Variants in KDM7A observed in about 807,000 individuals in gnomAD.
The protein encoded by KDM7A is lysine demethylase 7A, also known as lysine-specific demethylase 7A.
In KDM7A, 28 loss-of-function variants were observed where a neutral mutation model predicts 114.8. The observed-to-expected ratio is 0.24, with a 90% confidence interval of 0.18 to 0.33. The LOEUF (loss-of-function observed/expected upper bound fraction) is 0.33. Among genes scored for constraint, KDM7A ranks in the 10% least tolerant of loss-of-function variants. The pLI is 1.00. For missense variants in KDM7A, 942 were observed against 1,142.5 expected (o/e 0.82, Z 2.53); for synonymous variants, 423 against 397.8 (o/e 1.06, Z -0.75).
chr7:140,116,612 G>T (rs1017525241), intron 9 of KDM7A, among the ~76,000 whole-genome samples: 1 of 151,942 alleles, frequency 6.6e-6, no homozygotes, highest in African/African-American at 2.4e-5. Context: ...ACCTGAGTAA[G>T]AACAGCCTTA....
intron 1 of KDM7A, among the ~76,000 whole-genome samples, chr7:140,153,339 A>T (rs994377800): frequency 1.3e-5 from 2 of 151,824 alleles, no homozygotes; most frequent in African/African-American, 4.8e-5. Context: ...ACAAAAAACT[A>T]GCTGGGCGTG....
At chr7:140,172,986 G>A (rs567428616) in intron 1 of KDM7A, among the ~76,000 whole-genome samples, 3 of 152,082 alleles carry the variant, frequency 2.0e-5, no homozygotes, top group South Asian at 4.2e-4. Context: ...TAAAAAATGC[G>A]ATTAAAGACT....
rs775006338 is a variant in KDM7A at position 140,129,658 on chromosome 7, G to C, written c.399-5C>G. On this transcript the variant is annotated splice_polypyrimidine_tract_variant and splice_region_variant and intron_variant, in intron 3 of 19. Coordinates refer to ENST00000397560, the MANE Select transcript of KDM7A (RefSeq NM_030647.2). Reference sequence around the variant, plus strand: ...TTTATAATTATTTCATCGGCACTAAGGAAAAACATAAGAATAAAAATGTCA... The same window carrying C: ...TTTATAATTATTTCATCGGCACTAACGAAAAACATAAGAATAAAAATGTCA... 1 of 1,586,422 alleles carries C rather than the reference G, an allele frequency of 6.3e-7. No individual in the cohort carries two copies. The highest frequency in any genetic ancestry group is 1.4e-5 in the African/African-American group (1 of 73,862).
Position 140,091,200 on chromosome 7 carries a change from C to T in KDM7A, c.2732-12G>A. On this transcript the variant is annotated splice_polypyrimidine_tract_variant and intron_variant, in intron 19 of 19. Coordinates refer to ENST00000397560, the MANE Select transcript of KDM7A (RefSeq NM_030647.2). ...TTTTGGACGTTTACCTATAAAACAC[C>T]AAAAGGGAGTGTAAGTAATGATGAA... 1.9e-6 allele frequency: 3 copies of T among 1,565,214 alleles called. No homozygotes were observed. The highest frequency in any genetic ancestry group is 2.6e-6 in the Non-Finnish European group (3 of 1,135,390).
rs555143439 is a variant in KDM7A at position 140,130,831 on chromosome 7, A to G, written c.399-1178T>C. On this transcript the variant is annotated intron_variant, in intron 3 of 19. Transcript: ENST00000397560. ...CAACTACTGATTTAAATGACCCGTTACAACCAGTATTTAATAAGTCTTTTT... is the reference window on the plus strand; with the variant it reads ...CAACTACTGATTTAAATGACCCGTTGCAACCAGTATTTAATAAGTCTTTTT... Among the ~76,000 whole-genome samples the G allele has an allele frequency of 4.0e-3, 603 of 150,246 alleles. 8 individuals are homozygous for G. Among genetic ancestry groups the G allele is most frequent in the African/African-American group, 0.014 (552 of 40,766 alleles).
rs539115045 is a variant in KDM7A, at chr7:140,158,713, C to T, written c.194+18031G>A. Among the ~76,000 whole-genome samples, 97 of 152,122 alleles carry T rather than the reference C, an allele frequency of 6.4e-4. 1 individual carries two copies. The highest frequency in any genetic ancestry group is 2.2e-3 in the African/African-American group (93 of 41,484). ...ACCCAGCCATAAAAGATCAGGGAGA[C>T]GAGAAGCAATTGCAGTTAAGAACTG... On this transcript the variant is annotated intron_variant, in intron 1 of 19. Coordinates refer to ENST00000397560, the MANE Select transcript of KDM7A (RefSeq NM_030647.2).
At chr7:140,164,598 GA>G (rs1312131064) in intron 1 of KDM7A, among the ~76,000 whole-genome samples, 1 of 152,018 alleles carries the variant, frequency 6.6e-6, no homozygotes, top group African/African-American at 2.4e-5. Context: ...AACAAATAGT[GA>G]AAAAAATTAT....
intron 11 of KDM7A, among the ~76,000 whole-genome samples, chr7:140,108,401 C>G (rs561874227): frequency 1.3e-5 from 2 of 152,170 alleles, no homozygotes; most frequent in East Asian, 3.9e-4. Flanking sequence ...GTTTTTTTCC[C>G]CATCTTTGTG....
chr7:140,160,592 T>C (rs534762215), intron 1 of KDM7A, among the ~76,000 whole-genome samples: 3 of 152,314 alleles, frequency 2.0e-5, no homozygotes, highest in South Asian at 2.1e-4. Flanking sequence ...GTAAATCAAG[T>C]AGCAGTTCCC....
chr7:140,174,710 C>A lies in KDM7A; in HGVS notation c.194+2034G>T, dbSNP rs199876162. On this transcript the variant is annotated intron_variant, in intron 1 of 19. Transcript: ENST00000397560. ...CCGCTTCCCGGGTTCAAAAGATTCT[C>A]CTGCCTCAGCCTCCCAAGTAGCTAG... is the stretch of plus-strand genomic sequence containing the variant. Among the ~76,000 whole-genome samples the A allele has an allele frequency of 2.4e-3, 362 of 152,244 alleles. 3 individuals are homozygous for A. Among genetic ancestry groups the A allele is most frequent in the Admixed American group, 0.015 (233 of 15,294 alleles).
chr7:140,114,851 CCGG>C (rs1180380017), intron 9 of KDM7A, among the ~76,000 whole-genome samples: 2 of 149,796 alleles, frequency 1.3e-5, no homozygotes, highest in African/African-American at 2.5e-5. Flanking sequence ...GCCCCTCCGC[CCGG>C]CAGCCGCCCC....
chr7:140,114,457 C>A (rs990218487), intron 9 of KDM7A, among the ~76,000 whole-genome samples: 1 of 151,100 alleles, frequency 6.6e-6, no homozygotes, highest in East Asian at 1.9e-4. Context: ...GACGGAGTCT[C>A]GTTCACTCAG....
intron 11 of KDM7A, among the ~76,000 whole-genome samples, chr7:140,106,744 TGAG>T (rs1818343449): frequency 6.6e-6 from 1 of 152,264 alleles, no homozygotes; most frequent in Non-Finnish European, 1.5e-5. Flanking sequence ...GACGTAGTGC[TGAG>T]AAGAATGTAC....
intron 7 of KDM7A, among the ~76,000 whole-genome samples, chr7:140,122,620 G>A (rs1349752302): frequency 6.6e-6 from 1 of 152,168 alleles, no homozygotes; most frequent in East Asian, 1.9e-4. Flanking sequence ...CAGTCATTAG[G>A]GTCACCAAAA....
At position 140,090,980 on chromosome 7, in the gene KDM7A, C is replaced by T. The variant is rs1275802401; in HGVS notation, c.*114G>A. The T allele has an allele frequency of 5.6e-6, 4 of 720,606 alleles. No homozygotes were observed. In the African/African-American group the frequency reaches 7.1e-5, roughly 13 times the overall value. 44.6% of individuals were successfully genotyped at this position (720,606 alleles called of 1,614,324 possible). On this transcript the variant is annotated 3_prime_UTR_variant, in exon 20 of 20. Transcript: ENST00000397560. ...CATCAGGTTCATTCTGTTCTTCGGG[C>T]AGTGTTCTTACTATACACACAAACT...
intron 1 of KDM7A, among the ~76,000 whole-genome samples, chr7:140,160,666 A>C (rs1246214533): frequency 6.6e-6 from 1 of 152,164 alleles, no homozygotes; most frequent in African/African-American, 2.4e-5. Context: ...CCTGAGGGAG[A>C]GTGGTGTAAG....
intron 1 of KDM7A, among the ~76,000 whole-genome samples, chr7:140,149,670 G>A (rs1794377540): frequency 1.3e-5 from 2 of 152,160 alleles, no homozygotes; most frequent in Admixed American, 1.3e-4. Flanking sequence ...CAGTATATCT[G>A]CTATTTTTGT....
At chr7:140,119,703 G>A (rs1384696643) in intron 8 of KDM7A, among the ~76,000 whole-genome samples, 1 of 152,180 alleles carries the variant, frequency 6.6e-6, no homozygotes, top group Non-Finnish European at 1.5e-5. Context: ...TCCACACTTG[G>A]TAGGTGTGGG....
At chr7:140,115,894 TAA>T (rs35004743) in intron 9 of KDM7A, among the ~76,000 whole-genome samples, 244 of 140,598 alleles carry the variant, frequency 1.7e-3, no homozygotes, top group South Asian at 5.6e-3. Context: ...ATTTTTATCA[TAA>T]AAAAAAAAGG....
Sources: gnomAD v4.1 joint callset for allele counts (sites outside exome capture counted in the v4.1 genomes callset) on GRCh38, gnomAD v4.1.1 for gene constraint, MANE v1.5 for transcripts, NCBI Gene and HGNC (gene_info 2026-07-23, HGNC 2026-07-21) for gene names.